The following DYNC1I1 variants were observed in gnomAD, a reference collection of about 807,000 sequenced individuals.
DYNC1I1 encodes the protein cytoplasmic dynein 1 intermediate chain 1.
A neutral mutation model predicts 86.6 loss-of-function variants in DYNC1I1; 43 were observed. The ratio of observed to expected loss-of-function variants is 0.50; its 90% confidence interval spans 0.39 to 0.64. The LOEUF is 0.64. Ranked by LOEUF, DYNC1I1 falls within the 30% of genes least tolerant of loss-of-function variation. DYNC1I1 has a pLI of 0.00. For missense variants in DYNC1I1, 604 were observed against 788.8 expected, an observed-to-expected ratio of 0.77 and a Z score of 2.81; for synonymous variants, 262 against 283.7, an observed-to-expected ratio of 0.92 and a Z score of 0.77.
intron 6 of DYNC1I1, among the ~76,000 whole-genome samples, chr7:95,919,086 G>T (rs1791547103): frequency 6.6e-6 from 1 of 152,180 alleles, no homozygotes; most frequent in South Asian, 2.1e-4. Context: ...ATGACAACAT[G>T]CTGATTGTTT....
chr7:96,008,268 A>C (rs913734259), intron 10 of DYNC1I1, among the ~76,000 whole-genome samples: 1 of 152,090 alleles, frequency 6.6e-6, no homozygotes, highest in African/African-American at 2.4e-5. Flanking sequence ...GGAAAATGAG[A>C]AGAGAGATGC....
At chr7:95,978,857 G>A (rs971414749) in intron 7 of DYNC1I1, among the ~76,000 whole-genome samples, 16 of 152,040 alleles carry the variant, frequency 1.1e-4, no homozygotes, top group African/African-American at 3.1e-4. Context: ...GTGCAGCGAC[G>A]TGATCTCAGC....
intron 12 of DYNC1I1, 132 bp downstream of exon 12, chr7:96,032,912 G>A: frequency 2.9e-6 from 2 of 682,026 alleles, no homozygotes; most frequent in Non-Finnish European, 4.8e-6. Context: ...TTGAAAGAGT[G>A]GGGCCTGCTT....
intron 14 of DYNC1I1, among the ~76,000 whole-genome samples, chr7:96,053,735 A>G (rs1336334054): frequency 2.1e-5 from 3 of 146,016 alleles, no homozygotes; most frequent in African/African-American, 7.7e-5. Context: ...AATTTAGTGC[A>G]TACTTACACT....
chr7:95,963,407 T>A (rs1221533104), intron 6 of DYNC1I1, among the ~76,000 whole-genome samples: 1 of 152,182 alleles, frequency 6.6e-6, no homozygotes, highest in African/African-American at 2.4e-5. Context: ...GCCTTCAATA[T>A]ACCGCGTTTT....
rs548644747 is a variant in DYNC1I1, at chr7:95,889,889, A to G, written c.490+19891A>G. On this transcript the variant is annotated intron_variant, in intron 6 of 16. Transcript: ENST00000447467. ...GAGAGAAATGCAAATCAAAACCACC[A>G]TGAGATAGCATCTCACACCAATCAG... Among the ~76,000 whole-genome samples, 9 of 152,342 alleles carry G rather than the reference A, an allele frequency of 5.9e-5. No homozygotes were observed. The South Asian group carries it at 1.9e-3, about 32-fold the overall frequency.
chr7:96,061,543 G>A (rs1331141691), intron 14 of DYNC1I1, among the ~76,000 whole-genome samples: 1 of 152,056 alleles, frequency 6.6e-6, no homozygotes, highest in Admixed American at 6.6e-5. Context: ...CTAGAGTTGG[G>A]CGGCAGTCAT....
intron 7 of DYNC1I1, among the ~76,000 whole-genome samples, chr7:95,978,802 A>AGT (rs1793376537): frequency 6.8e-6 from 1 of 147,922 alleles, no homozygotes; most frequent in Non-Finnish European, 1.5e-5. Context: ...AAATGGGACA[A>AGT]TTTTTTTTTT....
chr7:95,799,863 G>A (rs1393524512), intron 1 of DYNC1I1, among the ~76,000 whole-genome samples: 3 of 151,856 alleles, frequency 2.0e-5, no homozygotes, highest in Non-Finnish European at 2.9e-5. Context: ...TGAACTTTGA[G>A]TGATGACATG....
chr7:95,854,901 A>G (rs1376207026), intron 5 of DYNC1I1, among the ~76,000 whole-genome samples: 1 of 152,194 alleles, frequency 6.6e-6, no homozygotes, highest in Non-Finnish European at 1.5e-5. Context: ...TGAGCACAAT[A>G]TAAACAGTTG....
chr7:96,079,507 T>TA (rs1790446608), intron 15 of DYNC1I1, among the ~76,000 whole-genome samples: 1 of 152,186 alleles, frequency 6.6e-6, no homozygotes, highest in Non-Finnish European at 1.5e-5. Flanking sequence ...GTAGACACAC[T>TA]AAAAAGTCTT....
chr7:95,779,068 A>G (rs1793920026), intron 1 of DYNC1I1, among the ~76,000 whole-genome samples: 1 of 152,168 alleles, frequency 6.6e-6, no homozygotes, highest in Non-Finnish European at 1.5e-5. Context: ...ATTGGGGAAA[A>G]GGGCTGGCAT....
chr7:95,934,158 C>A (rs1253622809), intron 6 of DYNC1I1, among the ~76,000 whole-genome samples: 3 of 152,066 alleles, frequency 2.0e-5, no homozygotes, highest in African/African-American at 4.8e-5. Flanking sequence ...AGGAAAACAG[C>A]CTGAAAACAA....
At chr7:96,106,500 A>G (rs575645726) in intron 16 of DYNC1I1, among the ~76,000 whole-genome samples, 16 of 152,138 alleles carry the variant, frequency 1.1e-4, no homozygotes, top group Admixed American at 9.2e-4. Context: ...GCGCCATTGC[A>G]CTCCAGCCTG....
chr7:96,046,791 G>A lies in DYNC1I1; in HGVS notation c.1509+7370G>A, dbSNP rs146143415. Among the ~76,000 whole-genome samples the A allele has an allele frequency of 7.0e-3, 1,070 of 152,270 alleles. 8 individuals carry two copies. The highest frequency in any genetic ancestry group is 0.014 in the Middle Eastern group (4 of 294). On this transcript the variant is annotated intron_variant, in intron 14 of 16. Coordinates refer to ENST00000447467, the MANE Select transcript of DYNC1I1 (RefSeq NM_001135556.2). ...CAGTGATGATTCTGATATTTCTGTC[G>A]TTAGCATCTGAGTGAAGAATGGTGG... is the stretch of plus-strand genomic sequence containing the variant.
chr7:95,947,413 G>A (rs1792432337), intron 6 of DYNC1I1, among the ~76,000 whole-genome samples: 1 of 152,182 alleles, frequency 6.6e-6, no homozygotes, highest in Non-Finnish European at 1.5e-5. Context: ...GCCCCTGCCT[G>A]TGTTAAACAT....
chr7:95,788,083 A>T (rs1335145406), intron 1 of DYNC1I1, among the ~76,000 whole-genome samples: 2 of 151,928 alleles, frequency 1.3e-5, no homozygotes, highest in Non-Finnish European at 2.9e-5. Context: ...TATTACAAGG[A>T]ATTTGGCTTT....
chr7:95,798,270 A>G (rs1472847848), intron 1 of DYNC1I1, among the ~76,000 whole-genome samples: 1 of 152,148 alleles, frequency 6.6e-6, no homozygotes, highest in Non-Finnish European at 1.5e-5. Context: ...GATGGCTGTA[A>G]AAATTTAGAA....
chr7:96,070,118 A>G (rs1036405636), intron 14 of DYNC1I1, among the ~76,000 whole-genome samples: 7 of 152,206 alleles, frequency 4.6e-5, no homozygotes. Context: ...AATATTAGCC[A>G]CAGAAGTTAA....
Sources: gnomAD v4.1 joint callset for allele counts (sites outside exome capture counted in the v4.1 genomes callset) on GRCh38, gnomAD v4.1.1 for gene constraint, MANE v1.5 for transcripts, NCBI Gene and HGNC (gene_info 2026-07-23, HGNC 2026-07-21) for gene names.